The following HCN1 variants were observed in gnomAD, a reference collection of about 807,000 sequenced individuals.
HCN1 encodes hyperpolarization activated cyclic nucleotide gated potassium channel 1.
In HCN1, 13 loss-of-function variants were observed where a neutral mutation model predicts 78.9. The ratio of observed to expected loss-of-function variants is 0.16; its 90% CI spans 0.11 to 0.26. HCN1 has a LOEUF of 0.26. Among genes scored for constraint, HCN1 ranks in the 10% least tolerant of loss-of-function variants. HCN1 has a pLI of 1.00. For missense variants in HCN1, 810 were observed against 1,154.3 expected, an observed-to-expected ratio of 0.70 and a Z score of 4.32; for synonymous variants, 552 against 455.5, an observed-to-expected ratio of 1.21 and a Z score of -2.70.
At chr5:45,352,234 A>C (rs1746920708) in intron 5 of HCN1, among the ~76,000 whole-genome samples, 1 of 152,148 alleles carries the variant, frequency 6.6e-6, no homozygotes, top group Non-Finnish European at 1.5e-5. Context: ...AGGGACATGG[A>C]TGAAATTGGA....
At chr5:45,430,738 C>T (rs991569751) in intron 3 of HCN1, among the ~76,000 whole-genome samples, 3 of 152,132 alleles carry the variant, frequency 2.0e-5, no homozygotes, top group Non-Finnish European at 2.9e-5. Context: ...AGGAGAATGG[C>T]GTGAACATGG....
chr5:45,374,774 A>G (rs1747565962), intron 4 of HCN1, among the ~76,000 whole-genome samples: 1 of 148,164 alleles, frequency 6.7e-6, no homozygotes, highest in Non-Finnish European at 1.5e-5. Context: ...CTATGAATAT[A>G]TATATATATG....
chr5:45,594,307 C>G (rs573610110), intron 2 of HCN1, among the ~76,000 whole-genome samples: 1 of 152,192 alleles, frequency 6.6e-6, no homozygotes, highest in African/African-American at 2.4e-5. Context: ...CCTCTAGTAT[C>G]CTCTCTCTGA....
At chr5:45,330,118 T>C (rs1057364724) in intron 5 of HCN1, among the ~76,000 whole-genome samples, 2 of 151,340 alleles carry the variant, frequency 1.3e-5, no homozygotes, top group Non-Finnish European at 3.0e-5. Flanking sequence ...CTATGAGACA[T>C]TTTTCACACT....
intron 2 of HCN1, among the ~76,000 whole-genome samples, chr5:45,549,373 C>T (rs1305171676): frequency 6.6e-6 from 1 of 152,040 alleles, no homozygotes; most frequent in Admixed American, 6.6e-5. Flanking sequence ...CTTTGACAAA[C>T]CTGACAAAAA....
chr5:45,630,334 T>C (rs1014132983), intron 2 of HCN1, among the ~76,000 whole-genome samples: 5 of 152,202 alleles, frequency 3.3e-5, no homozygotes, highest in Non-Finnish European at 7.3e-5. Context: ...AGCTGTGCAA[T>C]ATGGGGAAAT....
At chr5:45,496,279 G>T (rs1258634776) in intron 2 of HCN1, among the ~76,000 whole-genome samples, 18 of 150,250 alleles carry the variant, frequency 1.2e-4, no homozygotes, top group East Asian at 3.9e-4. Context: ...CAATTTCAGA[G>T]CCTGTTATTG....
intron 6 of HCN1, among the ~76,000 whole-genome samples, chr5:45,277,507 G>T (rs150097759): frequency 5.3e-5 from 8 of 152,122 alleles, no homozygotes; most frequent in Non-Finnish European, 1.2e-4. Flanking sequence ...GTCTGTCCTA[G>T]GAGTGAATAT....
At chr5:45,510,823 T>C (rs1483925684) in intron 2 of HCN1, among the ~76,000 whole-genome samples, 1 of 152,086 alleles carries the variant, frequency 6.6e-6, no homozygotes. Context: ...ATATCTGTTA[T>C]ATCCCATCCT....
At chr5:45,500,423 G>T (rs1425190242) in intron 2 of HCN1, among the ~76,000 whole-genome samples, 1 of 152,088 alleles carries the variant, frequency 6.6e-6, no homozygotes, top group Non-Finnish European at 1.5e-5. Flanking sequence ...TGTTTATGAA[G>T]AATTCTTATG....
intron 2 of HCN1, among the ~76,000 whole-genome samples, chr5:45,567,902 TATGTG>T (rs1467891167): frequency 3.4e-5 from 4 of 116,886 alleles, no homozygotes; most frequent in African/African-American, 1.3e-4. Flanking sequence ...CTTACTTTCA[TATGTG>T]AAGTACACAC....
intron 1 of HCN1, among the ~76,000 whole-genome samples, chr5:45,673,440 C>A (rs1242107821): frequency 6.6e-6 from 1 of 151,482 alleles, no homozygotes; most frequent in Admixed American, 6.6e-5. Flanking sequence ...ATTTGAGTCC[C>A]CCCACACCAT....
chr5:45,393,736 G>A (rs189894388), intron 4 of HCN1, among the ~76,000 whole-genome samples: 98 of 152,256 alleles, frequency 6.4e-4, no homozygotes, highest in Admixed American at 7.9e-4. Context: ...TGTGAAGGAC[G>A]CTTTTGGATT....
intron 2 of HCN1, among the ~76,000 whole-genome samples, chr5:45,580,517 TAA>T (rs1744042578): frequency 6.6e-6 from 1 of 152,022 alleles, no homozygotes; most frequent in African/African-American, 2.4e-5. Context: ...TACAGAGCTA[TAA>T]GATTTGTTGT....
At chr5:45,485,557 C>T (rs893175542) in intron 2 of HCN1, among the ~76,000 whole-genome samples, 2 of 152,052 alleles carry the variant, frequency 1.3e-5, no homozygotes, top group East Asian at 1.9e-4. Flanking sequence ...CCAACACTTA[C>T]GCAGAAGGGA....
intron 2 of HCN1, among the ~76,000 whole-genome samples, chr5:45,497,064 G>T (rs191297866): frequency 6.6e-6 from 1 of 152,304 alleles, no homozygotes; most frequent in African/African-American, 2.4e-5. Flanking sequence ...TGTGGTCTGA[G>T]AGATAGTTTG....
intron 2 of HCN1, among the ~76,000 whole-genome samples, chr5:45,548,953 C>T (rs1193925699): frequency 1.3e-5 from 2 of 150,262 alleles, no homozygotes; most frequent in Non-Finnish European, 3.0e-5. Flanking sequence ...CGTGAAGGAC[C>T]TCTTCAAGGA....
At chr5:45,413,878 C>G (rs968236735) in intron 3 of HCN1, among the ~76,000 whole-genome samples, 4 of 151,816 alleles carry the variant, frequency 2.6e-5, no homozygotes, top group Non-Finnish European at 4.4e-5. Flanking sequence ...AATAAATTAT[C>G]TTTTTTTAGG....
chr5:45,262,006 G>T lies in HCN1; in HGVS notation c.2588C>A (p.Pro863Gln). ...AGATTCTCTTGGAAGAGCAGCTGCT[G>T]GTGGAGGGGGTGCTGGAGGGACTCC... ...NRGVPPAPPPPAAALPRESSS... is the reference protein window; with the variant it reads ...NRGVPPAPPPQAAALPRESSS... The change falls in exon 8 of 8, where the codon CCA becomes CAA. Residue 863 changes from proline (P) to glutamine (Q), a missense_variant. Coordinates refer to ENST00000303230, the MANE Select transcript of HCN1 (RefSeq NM_021072.4). The T allele has an allele frequency of 6.2e-7, 1 of 1,614,138 alleles. No individual in the cohort carries two copies. Among genetic ancestry groups the T allele is most frequent in the Non-Finnish European group, 8.5e-7 (1 of 1,180,040 alleles).
Sources: gnomAD v4.1 joint callset for allele counts (sites outside exome capture counted in the v4.1 genomes callset) on GRCh38, gnomAD v4.1.1 for gene constraint, MANE v1.5 for transcripts, NCBI Gene and HGNC (gene_info 2026-07-23, HGNC 2026-07-21) for gene names.